EDARADD: variants seen among roughly 807,000 people sequenced by gnomAD.
EDARADD encodes the protein EDAR associated via death domain.
Under a neutral mutation model 25.6 loss-of-function variants are expected in EDARADD, and 20 were observed. That is an observed-to-expected ratio of 0.78 (90% CI 0.55 to 1.14). The LOEUF is 1.14. EDARADD is among the 50% of genes most tolerant of loss of function. The pLI, the probability that EDARADD is intolerant of heterozygous loss-of-function variation, is 0.00. For missense variants in EDARADD, 225 were observed against 270.1 expected (o/e 0.83, Z 1.17); for synonymous variants, 86 against 94.4 (o/e 0.91, Z 0.52).
intron 3 of EDARADD, among the ~76,000 whole-genome samples, chr1:236,379,792 A>G (rs1667277489): frequency 6.6e-6 from 1 of 152,226 alleles, no homozygotes; most frequent in Non-Finnish European, 1.5e-5. Context: ...AAAAACAATA[A>G]GTAAAATTAA....
intron 3 of EDARADD, among the ~76,000 whole-genome samples, chr1:236,366,804 C>T (rs1222066591): frequency 4.0e-5 from 6 of 149,186 alleles, no homozygotes; most frequent in East Asian, 2.0e-4. Context: ...TGGCCAGGCG[C>T]GGTGGCTCAT....
At chr1:236,388,741 T>C (rs187503553) in intron 3 of EDARADD, among the ~76,000 whole-genome samples, 1 of 152,374 alleles carries the variant, frequency 6.6e-6, no homozygotes, top group Non-Finnish European at 1.5e-5. Context: ...TATTCACTTA[T>C]TAGTTCTAAT....
chr1:236,424,789 A>G (rs1657870139), intron 3 of EDARADD, among the ~76,000 whole-genome samples: 2 of 152,334 alleles, frequency 1.3e-5, no homozygotes, highest in Non-Finnish European at 2.9e-5. Context: ...GGTCCAGCCC[A>G]ATGGAAGAGT....
chr1:236,440,921 C>A (rs984597724), intron 4 of EDARADD, among the ~76,000 whole-genome samples: 1 of 152,074 alleles, frequency 6.6e-6, no homozygotes, highest in Non-Finnish European at 1.5e-5. Flanking sequence ...GTTGATAACC[C>A]TACAATGAGC....
chr1:236,369,604 G>T (rs1425141371), intron 3 of EDARADD, among the ~76,000 whole-genome samples: 2 of 152,166 alleles, frequency 1.3e-5, no homozygotes, highest in Non-Finnish European at 2.9e-5. Flanking sequence ...CACTTTGGGG[G>T]GCCGAGGCAG....
intron 4 of EDARADD, among the ~76,000 whole-genome samples, chr1:236,460,069 T>C (rs1414936056): frequency 6.6e-6 from 1 of 152,224 alleles, no homozygotes; most frequent in African/African-American, 2.4e-5. Context: ...GATTATAATC[T>C]TGAAGCAACA....
chr1:236,448,214 C>T (rs1482820939), intron 4 of EDARADD, among the ~76,000 whole-genome samples: 2 of 152,222 alleles, frequency 1.3e-5, no homozygotes, highest in Non-Finnish European at 2.9e-5. Context: ...GGGGTAGACT[C>T]CAAGCATTGA....
At chr1:236,463,305 T>C (rs1477924576) in intron 4 of EDARADD, among the ~76,000 whole-genome samples, 2 of 152,140 alleles carry the variant, frequency 1.3e-5, no homozygotes, top group African/African-American at 4.8e-5. Context: ...ACATAAAAGT[T>C]ACGATTTTAA....
rs551342791 is a variant in EDARADD, at chr1:236,467,022, T to C, written c.220-1209T>C. 1.6e-3 allele frequency among the ~76,000 whole-genome samples: 239 copies of C among 151,706 alleles called. 1 individual carries two copies. The highest frequency in any genetic ancestry group is 2.4e-3 in the Non-Finnish European group (161 of 67,928). On this transcript the variant is annotated intron_variant, in intron 4 of 5. Transcript: ENST00000334232. ...GCGGAGATGCAGTGAGCCGAGATTG[T>C]GCCACTGCACTCCAGCCTGGGCGAC...
intron 4 of EDARADD, among the ~76,000 whole-genome samples, chr1:236,435,767 G>A (rs1658233002): frequency 6.6e-6 from 1 of 152,170 alleles, no homozygotes; most frequent in Non-Finnish European, 1.5e-5. Flanking sequence ...GGATCAGCAG[G>A]AGTGGAGGAT....
intron 1 of EDARADD, among the ~76,000 whole-genome samples, chr1:236,397,693 G>A (rs1370445139): frequency 6.6e-6 from 1 of 152,174 alleles, no homozygotes; most frequent in African/African-American, 2.4e-5. Flanking sequence ...CAAAGAGAAA[G>A]GAGGCCTCCT....
At chr1:236,464,127 A>G (rs916516989) in intron 4 of EDARADD, among the ~76,000 whole-genome samples, 1 of 152,168 alleles carries the variant, frequency 6.6e-6, no homozygotes, top group Non-Finnish European at 1.5e-5. Context: ...CCATGGCCTC[A>G]CTGCCCACCT....
Position 236,395,523 on chromosome 1 carries a change from G to C in EDARADD, c.61+1018G>C. The C allele has an allele frequency of 3.3e-6, 5 of 1,534,648 alleles. No homozygotes were observed. The highest frequency in any genetic ancestry group is 3.5e-6 in the Non-Finnish European group (4 of 1,145,144). ...CGCGCAGAGCCACGGTTTGCTCCAG[G>C]CGCGTCGGAACCGCAGGACTTTTCA... On this transcript the variant is annotated intron_variant, in intron 1 of 5. Transcript: ENST00000334232. This position sits in a 1 kb window ranked among gnomAD's most constrained non-coding sequence, Gnocchi z 6.9.
intron 3 of EDARADD, among the ~76,000 whole-genome samples, chr1:236,384,840 C>A (rs535046701): frequency 8.9e-4 from 136 of 152,124 alleles, no homozygotes; most frequent in African/African-American, 3.2e-3. Context: ...ATTTTTATTT[C>A]TTCTAGAAAT....
intron 4 of EDARADD, among the ~76,000 whole-genome samples, chr1:236,447,206 TTC>T (rs1658576139): frequency 4.2e-5 from 2 of 47,444 alleles, no homozygotes; most frequent in South Asian, 8.0e-4. Flanking sequence ...CTTTCTTTCT[TTC>T]TTTCTTTCTT....
intron 2 of EDARADD, among the ~76,000 whole-genome samples, chr1:236,411,414 C>T (rs1377680814): frequency 6.6e-6 from 1 of 152,156 alleles, no homozygotes; most frequent in Non-Finnish European, 1.5e-5. Flanking sequence ...GGAAACTCCT[C>T]AGCTTATAGA....
In EDARADD at chr1:236,395,331, C is replaced by T. The variant is rs1222154032; in HGVS notation, c.61+826C>T. ...GGACACTCGGGGCCCCGCCTTGCGT[C>T]CCAGCCCCGGGTCGCGGCACCCCGG... On this transcript the variant is annotated intron_variant, in intron 1 of 5. Transcript: ENST00000334232. The surrounding 1 kb of genome is among the most constrained non-coding windows in gnomAD (Gnocchi z 6.9). 20 of 1,305,724 alleles carry T rather than the reference C, an allele frequency of 1.5e-5. No homozygotes were observed. Among genetic ancestry groups the T allele is most frequent in the Non-Finnish European group, 1.9e-5 (19 of 1,023,810 alleles). 80.9% of individuals were successfully genotyped at this position (1,305,724 alleles called of 1,614,324 possible).
intron 3 of EDARADD, among the ~76,000 whole-genome samples, chr1:236,421,709 A>T (rs667294): frequency 0.57 from 85,847 of 151,210 alleles, 26,772 homozygotes; most frequent in Non-Finnish European, 0.7. Flanking sequence ...TGTTAACCTA[A>T]CCTCTAACTG....
chr1:236,475,637 G>A (rs182851731), intron 5 of EDARADD, among the ~76,000 whole-genome samples: 105 of 151,848 alleles, frequency 6.9e-4, no homozygotes, highest in Non-Finnish European at 1.3e-3. Context: ...AGTGGCAGGC[G>A]CCTCTAATCT....
Sources: allele counts gnomAD v4.1 joint callset (sites outside exome capture counted in the v4.1 genomes callset), GRCh38; gene constraint gnomAD v4.1.1; non-coding constraint Gnocchi (gnomAD v3.1); transcripts MANE v1.5; gene names NCBI Gene and HGNC (gene_info 2026-07-23, HGNC 2026-07-21).